Variants in EGLN3 observed in about 807,000 individuals in gnomAD.
EGLN3 encodes the protein egl-9 family hypoxia inducible factor 3.
EGLN3 carries 15 observed loss-of-function variants against 26.0 expected under a neutral mutation model. That is an observed-to-expected ratio of 0.58 (90% CI 0.39 to 0.89). The LOEUF (loss-of-function observed/expected upper bound fraction) is 0.89, where lower values mean the gene tolerates loss of function less well. Ranked by LOEUF, EGLN3 falls within the 40% of genes least tolerant of loss-of-function variation. The pLI, the probability that EGLN3 is intolerant of heterozygous loss-of-function variation, is 0.00. For missense variants in EGLN3, 238 were observed against 311.6 expected, an observed-to-expected ratio of 0.76 and a Z score of 1.78; for synonymous variants, 147 against 127.2, an observed-to-expected ratio of 1.16 and a Z score of -1.05.
chr14:33,949,422 G>GT (rs548107686), intron 1 of EGLN3: 4 of 152,222 alleles, frequency 2.6e-5, no homozygotes, highest in Admixed American at 6.5e-5. Flanking sequence ...CTGCTTCGCT[G>GT]TTTCAGTAAA....
intron 3 of EGLN3, 109 bp from the exon 4 acceptor site, chr14:33,927,142 A>C: frequency 5.2e-6 from 2 of 387,912 alleles, no homozygotes; most frequent in Non-Finnish European, 8.9e-6. Flanking sequence ...TATTATTAGA[A>C]GTCTACCCTG....
At chr14:33,930,076 A>G (rs1226194493) in intron 2 of EGLN3, among the ~76,000 whole-genome samples, 1 of 152,226 alleles carries the variant, frequency 6.6e-6, no homozygotes, top group African/African-American at 2.4e-5. Context: ...TCATCCTACT[A>G]GAATAACCAT....
Position 33,950,627 on chromosome 14 carries a change from G to A in EGLN3, c.126C>T (p.Cys42=). 6.2e-7 allele frequency: 1 copy of A among 1,613,866 alleles called. No homozygotes were observed. Among genetic ancestry groups the A allele is most frequent in the African/African-American group, 1.3e-5 (1 of 75,052 alleles). The change falls in exon 1 of 5, where the codon TGC becomes TGT. Residue 42 remains cysteine, a synonymous_variant. Transcript: ENST00000250457. The stretch of plus-strand genomic sequence containing the variant: ...GCAGCTGCTTGACGCGCTCCAGGAC[G>A]CAGTCGCCCACCACCTCGCCCAGGA... ...DNFLGEVVGD[C]VLERVKQLHC...
At chr14:33,944,171 G>A (rs1387071949) in intron 1 of EGLN3, among the ~76,000 whole-genome samples, 1 of 151,946 alleles carries the variant, frequency 6.6e-6, no homozygotes, top group South Asian at 2.1e-4. Context: ...GCCCAGGCTG[G>A]AGTGCAATGG....
rs2064509671 is a variant in EGLN3 at position 33,945,253 on chromosome 14, CT to C, written c.357+5142del. Among the ~76,000 whole-genome samples the C allele has an allele frequency of 1.3e-5, 2 of 152,188 alleles. 1 individual carries two copies. The highest frequency in any genetic ancestry group is 1.3e-4 in the Admixed American group (2 of 15,278). The stretch of plus-strand genomic sequence containing the variant: ...TCAGCAGCACTCCTCCCCAAAATAC[CT>C]TATTCACAGGTAGATTTCTAAGATT... On this transcript the variant is annotated intron_variant, in intron 1 of 4. Transcript: ENST00000250457.
rs2064553424 is a variant in EGLN3 at position 33,950,665 on chromosome 14, A to G, written c.88T>C (p.Tyr30His). 1 of 1,614,030 alleles carries G rather than the reference A, an allele frequency of 6.2e-7. No individual in the cohort carries two copies. Among genetic ancestry groups the G allele is most frequent in the Admixed American group, 1.7e-5 (1 of 60,024 alleles). ...VPCLHEVGFC[Y>H]LDNFLGEVVG... Reference sequence around the variant, plus strand: ...ACCTCGCCCAGGAAGTTGTCCAGGTAGCAGAAGCCCACCTCGTGCAGACAG... The same window carrying G: ...ACCTCGCCCAGGAAGTTGTCCAGGTGGCAGAAGCCCACCTCGTGCAGACAG... The change falls in exon 1 of 5, where the codon TAC (tyrosine) becomes CAC (histidine). Residue 30 changes from tyrosine to histidine, a missense_variant. Tyr to His is a moderately conservative substitution (Grantham distance 83, BLOSUM62 2). Transcript: ENST00000250457.
At chr14:33,949,076 T>G (rs2064537850) in intron 1 of EGLN3, 1 of 152,218 alleles carries the variant, frequency 6.6e-6, no homozygotes, top group South Asian at 2.1e-4. Context: ...AAAGTAAAAT[T>G]TAGAAAGCAG....
intron 1 of EGLN3, among the ~76,000 whole-genome samples, chr14:33,947,646 G>A (rs2064527152): frequency 6.6e-6 from 1 of 152,116 alleles, no homozygotes; most frequent in Non-Finnish European, 1.5e-5. Flanking sequence ...AAAAAAAATT[G>A]GTCTAAAACA....
chr14:33,937,313 G>A (rs1194298388), intron 1 of EGLN3, among the ~76,000 whole-genome samples: 3 of 152,204 alleles, frequency 2.0e-5, no homozygotes, highest in Non-Finnish European at 2.9e-5. Context: ...GTAAGCAAAC[G>A]TGAGCTCTTA....
chr14:33,939,121 G>A (rs2064462762), intron 1 of EGLN3, among the ~76,000 whole-genome samples: 1 of 151,786 alleles, frequency 6.6e-6, no homozygotes, highest in Admixed American at 6.6e-5. Context: ...CAAAATAATT[G>A]GTAAGACAAG....
chr14:33,950,329 A>G (rs775074599), intron 1 of EGLN3, 67 bp downstream of exon 1: 45 of 1,469,746 alleles, frequency 3.1e-5, no homozygotes, highest in Non-Finnish European at 3.8e-5. Flanking sequence ...AAGTCGACAT[A>G]CAACGGACTC....
Position 33,929,178 on chromosome 14 carries a change from C to T in EGLN3, c.512G>A (p.Gly171Glu), listed in dbSNP as rs1476300529. Residue 171 changes from glycine (G) to glutamate (E), a missense_variant, in exon 3 of 5, where the codon GGG (glycine) becomes GAG (glutamate). Physicochemically the swap from Gly to Glu is moderately conservative, Grantham distance 98. Coordinates refer to ENST00000250457, the MANE Select transcript of EGLN3 (RefSeq NM_022073.4). Reference protein sequence around the residue: ...HGGILRIFPEGKSFIADVEPI... With the variant: ...HGGILRIFPEEKSFIADVEPI... ...CTCCACATCTGCTATGAATGATTTCCCCTCTGGAAATATCCGCAGGATCCC... is the reference window on the plus strand; with the variant it reads ...CTCCACATCTGCTATGAATGATTTCTCCTCTGGAAATATCCGCAGGATCCC... 2 of 1,614,178 alleles carry T rather than the reference C, an allele frequency of 1.2e-6. No individual in the cohort carries two copies. Among genetic ancestry groups the T allele is most frequent in the Admixed American group, 1.7e-5 (1 of 60,022 alleles).
At chr14:33,944,717 C>T (rs748584201) in intron 1 of EGLN3, among the ~76,000 whole-genome samples, 1 of 152,188 alleles carries the variant, frequency 6.6e-6, no homozygotes, top group Non-Finnish European at 1.5e-5. Context: ...TTGGTGACAA[C>T]CACTGCACAC....
chr14:33,938,688 A>G (rs906514489), intron 1 of EGLN3, among the ~76,000 whole-genome samples: 18 of 152,264 alleles, frequency 1.2e-4, no homozygotes, highest in African/African-American at 4.3e-4. Context: ...ATCAAGACGC[A>G]TTTAACCATT....
intron 3 of EGLN3, among the ~76,000 whole-genome samples, chr14:33,927,733 G>A (rs999195283): frequency 1.3e-5 from 2 of 152,188 alleles, no homozygotes; most frequent in Non-Finnish European, 2.9e-5. Flanking sequence ...TTGGTGGCGA[G>A]AACATAGAGA....
intron 1 of EGLN3, chr14:33,948,571 T>C (rs1162849336): frequency 6.6e-6 from 1 of 152,234 alleles, no homozygotes; most frequent in African/African-American, 2.4e-5. Flanking sequence ...TAACCTAAAA[T>C]TGATGAATCA....
rs1414642660 is a variant in EGLN3 at position 33,931,205 on chromosome 14, GCCAC to G, written c.364_367del (p.Val122LeufsTer30). 1 of 1,614,182 alleles carries G rather than the reference GCCAC, an allele frequency of 6.2e-7. No individual in the cohort carries two copies. The highest frequency in any genetic ancestry group is 8.5e-7 in the Non-Finnish European group (1 of 1,180,012). ...ACCTGTTCCATTTCCCGGATAGCAA[GCCAC>G]CATTGCCTATGGAGAAATCCCAAGA... On this transcript the variant is annotated frameshift_variant, in exon 2 of 5. Coordinates refer to ENST00000250457, the MANE Select transcript of EGLN3 (RefSeq NM_022073.4). LOFTEE classifies it high-confidence loss of function.
chr14:33,926,208 G>A (rs1260111892), intron 4 of EGLN3, among the ~76,000 whole-genome samples: 1 of 152,212 alleles, frequency 6.6e-6, no homozygotes, highest in Admixed American at 6.5e-5. Flanking sequence ...TCAGAGTTAA[G>A]CAGTGTAGGC....
chr14:33,928,872 T>C (rs1680705), intron 3 of EGLN3, among the ~76,000 whole-genome samples: 135,436 of 152,272 alleles, frequency 0.89, 61,299 homozygotes, highest in Non-Finnish European at 0.97. Flanking sequence ...AACTTGTTAA[T>C]AGTACTTTCA....
Sources: allele counts gnomAD v4.1 joint callset (sites outside exome capture counted in the v4.1 genomes callset), GRCh38; gene constraint gnomAD v4.1.1; transcripts MANE v1.5; gene names NCBI Gene and HGNC (gene_info 2026-07-23, HGNC 2026-07-21).